Variants in ALDH3A2 observed in about 807,000 individuals in gnomAD.
The protein encoded by ALDH3A2 is aldehyde dehydrogenase 3 family member A2, also known as aldehyde dehydrogenase family 3 member A2.
In ALDH3A2, 36 loss-of-function variants were observed where a neutral mutation model predicts 51.3. The observed-to-expected ratio is 0.70, with a 90% CI of 0.54 to 0.93. The LOEUF is 0.93. Ranked by LOEUF, ALDH3A2 falls within the 40% of genes least tolerant of loss-of-function variation. The pLI, the probability that ALDH3A2 is intolerant of heterozygous loss-of-function variation, is 0.00. For missense variants in ALDH3A2, 552 were observed against 603.1 expected (o/e 0.92, Z 0.89); for synonymous variants, 199 against 219.8 (o/e 0.91, Z 0.84).
At chr17:19,651,422 C>T (rs1182147998) in intron 1 of ALDH3A2, 125 bp from the exon 2 acceptor site, 2 of 820,190 alleles carry the variant, frequency 2.4e-6, no homozygotes, top group East Asian at 5.1e-5. Context: ...GTCTGAATGG[C>T]AAACAGCTAG....
In ALDH3A2 at chr17:19,660,997, G is replaced by A; in HGVS notation, c.799-130G>A. On this transcript the variant is annotated intron_variant, in intron 5 of 9. Coordinates refer to ENST00000176643, the MANE Select transcript of ALDH3A2 (RefSeq NM_000382.3). ...CTATCATACTACTGTTAAATTACTT[G>A]AGGGGTGGGGTGTTAGATTCTGTGA... 3.3e-6 allele frequency: 3 copies of A among 898,290 alleles called. No individual in the cohort carries two copies. The East Asian group carries it at 7.8e-5, about 23-fold the overall frequency. 55.6% of individuals were successfully genotyped at this position (898,290 alleles called of 1,614,324 possible).
intron 1 of ALDH3A2, chr17:19,649,952 C>T (rs2084791709): frequency 1.3e-5 from 2 of 155,636 alleles, no homozygotes; most frequent in Non-Finnish European, 2.9e-5. Flanking sequence ...CACTGTGTCT[C>T]CCAGGCTGGA....
At chr17:19,649,326 G>A in intron 1 of ALDH3A2, 2 of 633,208 alleles carry the variant, frequency 3.2e-6, no homozygotes, top group Non-Finnish European at 5.3e-6. Flanking sequence ...ATGTTACCTA[G>A]CTTCTGTGGT....
intron 5 of ALDH3A2, 144 bp downstream of exon 5, chr17:19,658,006 G>T: frequency 1.4e-6 from 1 of 711,384 alleles, no homozygotes; most frequent in African/African-American, 1.7e-5. Context: ...TGACTAATAT[G>T]AAAATGCTAT....
At chr17:19,649,385 G>C (rs969186643) in intron 1 of ALDH3A2, 58 of 506,462 alleles carry the variant, frequency 1.1e-4, no homozygotes, top group African/African-American at 9.2e-4. Flanking sequence ...TACATTTGTG[G>C]TTCTTTTCCT....
At chr17:19,670,299 T>A (rs2085095058) in intron 8 of ALDH3A2, among the ~76,000 whole-genome samples, 1 of 152,212 alleles carries the variant, frequency 6.6e-6, no homozygotes, top group Admixed American at 6.5e-5. Context: ...AATGGGAATA[T>A]GTTATATCAT....
At chr17:19,665,114 T>C (rs1303022456) in intron 8 of ALDH3A2, 67 bp downstream of exon 8, 10 of 1,381,416 alleles carry the variant, frequency 7.2e-6, no homozygotes, top group South Asian at 1.2e-5. Context: ...GAGTGGATTG[T>C]ATGGGCTGCT....
chr17:19,658,594 G>A (rs1376909501), intron 5 of ALDH3A2, among the ~76,000 whole-genome samples: 3 of 151,976 alleles, frequency 2.0e-5, no homozygotes, highest in South Asian at 2.1e-4. Context: ...GGGGATGGTG[G>A]TGCATGTCTG....
chr17:19,671,974 A>G lies in ALDH3A2; in HGVS notation c.1443+18A>G, dbSNP rs376220319. On this transcript the variant is annotated intron_variant, in intron 9 of 9. Coordinates refer to ENST00000176643, the MANE Select transcript of ALDH3A2 (RefSeq NM_000382.3). ...TTGTCAAGGTGAGTCCCTATAACCC[A>G]TGAGTGCCATTCAGTCTGGTCCTGG... 2.6e-5 allele frequency: 41 copies of G among 1,602,610 alleles called. No individual in the cohort carries two copies. Among genetic ancestry groups the G allele is most frequent in the African/African-American group, 1.1e-4 (8 of 74,624 alleles).
intron 1 of ALDH3A2, among the ~76,000 whole-genome samples, chr17:19,651,276 G>A (rs551365724): frequency 4.6e-5 from 7 of 152,334 alleles, no homozygotes; most frequent in African/African-American, 1.4e-4. Flanking sequence ...TTTAAAGGGT[G>A]TGGATTACTA....
chr17:19,675,070 T>G (rs890868986), intron 9 of ALDH3A2: 1 of 157,236 alleles, frequency 6.4e-6, no homozygotes, highest in African/African-American at 2.4e-5. Flanking sequence ...ATAAATTTCA[T>G]TAGGCCTTTG....
At chr17:19,655,013 A>C (rs2084875926) in intron 3 of ALDH3A2, among the ~76,000 whole-genome samples, 2 of 152,224 alleles carry the variant, frequency 1.3e-5, no homozygotes, top group Non-Finnish European at 2.9e-5. Context: ...AAGAATATCA[A>C]GAACTGAATA....
intron 4 of ALDH3A2, 32 bp from the exon 5 acceptor site, chr17:19,657,707 ACTGAAT>A: frequency 8.2e-7 from 1 of 1,225,246 alleles, no homozygotes; most frequent in Non-Finnish European, 1.1e-6. Flanking sequence ...TGACTGAATT[ACTGAAT>A]TATATAGCTG....
At chr17:19,669,935 C>T (rs760778086) in intron 8 of ALDH3A2, among the ~76,000 whole-genome samples, 27 of 152,230 alleles carry the variant, frequency 1.8e-4, no homozygotes, top group Middle Eastern at 3.4e-3. Context: ...CCACCGTGCC[C>T]GGTCAAATGC....
rs192458322 is a variant in ALDH3A2, at chr17:19,675,554, C to G, written c.1444-4C>G. The G allele has an allele frequency of 1.2e-6, 2 of 1,613,716 alleles. No individual in the cohort carries two copies. Among genetic ancestry groups the G allele is most frequent in the African/African-American group, 2.7e-5 (2 of 75,026 alleles). The stretch of plus-strand genomic sequence containing the variant: ...TAAACTGAATCCTTTTTTCCTCTCT[C>G]CAGGCAGAATATTACTGAAGAATGA... On this transcript the variant is annotated splice_polypyrimidine_tract_variant and splice_region_variant and intron_variant, in intron 9 of 9. Transcript: ENST00000176643.
chr17:19,657,926 G>A (rs992069310), intron 5 of ALDH3A2, 64 bp downstream of exon 5: 39 of 1,283,802 alleles, frequency 3.0e-5, no homozygotes, highest in African/African-American at 7.3e-5. Context: ...TTAACTATTC[G>A]CAGGCAGCAT....
rs2085196429 is a variant in ALDH3A2, at chr17:19,676,766, T to C, written c.*1194T>C. 1 of 152,256 alleles carries C rather than the reference T, an allele frequency of 6.6e-6. No individual in the cohort carries two copies. The highest frequency in any genetic ancestry group is 1.5e-5 in the Non-Finnish European group (1 of 68,046). The allele number at this position is 152,256 out of a possible 1,614,324, so 9.4% of individuals were successfully genotyped here. On this transcript the variant is annotated 3_prime_UTR_variant, in exon 10 of 10. Coordinates refer to ENST00000176643, the MANE Select transcript of ALDH3A2 (RefSeq NM_000382.3). The stretch of plus-strand genomic sequence containing the variant: ...CAAGGACAAATCTGTAAGTTTCTTA[T>C]TTCTGTAGTGCAAGTAAAATTTCAC...
chr17:19,664,964 T>G lies in ALDH3A2; in HGVS notation c.1124T>G (p.Ile375Ser). ...TGTCCTCAGCTCATCAAACGGATGA[T>G]TGATGAGACATCCAGTGGAGGTGTC... Reference protein sequence around the residue: ...SHNHKLIKRMIDETSSGGVTG... With the variant: ...SHNHKLIKRMSDETSSGGVTG... Residue 375 changes from isoleucine (I) to serine (S), a missense_variant, in exon 8 of 10, where the codon ATT (isoleucine) becomes AGT (serine). Ile to Ser is a moderately radical substitution (Grantham distance 142). Transcript: ENST00000176643. 6.2e-7 allele frequency: 1 copy of G among 1,613,784 alleles called. No homozygotes were observed. Among genetic ancestry groups the G allele is most frequent in the Non-Finnish European group, 8.5e-7 (1 of 1,179,914 alleles).
intron 7 of ALDH3A2, 109 bp from the exon 8 acceptor site, chr17:19,664,839 G>A: frequency 1.3e-6 from 1 of 773,592 alleles, no homozygotes; most frequent in Non-Finnish European, 2.3e-6. Flanking sequence ...AAGCCAGAAT[G>A]TGCATGCTTT....
Sources: allele counts gnomAD v4.1 joint callset (sites outside exome capture counted in the v4.1 genomes callset), GRCh38; gene constraint gnomAD v4.1.1; transcripts MANE v1.5; gene names NCBI Gene and HGNC (gene_info 2026-07-23, HGNC 2026-07-21).